The following FOXO1 variants were observed in gnomAD, a reference collection of about 807,000 sequenced individuals.
FOXO1 encodes the protein forkhead box O1, also known as forkhead box protein O1.
FOXO1 carries 6 observed loss-of-function variants against 44.1 expected under a neutral mutation model. The observed-to-expected ratio is 0.14, with a 90% CI of 0.07 to 0.27. The LOEUF (loss-of-function observed/expected upper bound fraction) is 0.27, where lower values mean the gene tolerates loss of function less well. Ranked by LOEUF, FOXO1 falls within the 10% of genes least tolerant of loss-of-function variation. FOXO1 has a pLI of 1.00. For missense variants in FOXO1, 737 were observed against 888.8 expected (o/e 0.83, Z 2.17); for synonymous variants, 380 against 362.7 (o/e 1.05, Z -0.54).
At position 40,665,579 on chromosome 13, in the gene FOXO1, T is replaced by C. The variant is rs1390837853; in HGVS notation, c.630+4A>G. The C allele has an allele frequency of 7.1e-7, 1 of 1,408,740 alleles. No homozygotes were observed. 87.3% of individuals were successfully genotyped at this position (1,408,740 alleles called of 1,614,324 possible). On this transcript the variant is annotated splice_donor_region_variant and intron_variant, in intron 1 of 2. Coordinates refer to ENST00000379561, the MANE Select transcript of FOXO1 (RefSeq NM_002015.4). ...AGGTCCGGCCGCGCGCCGAGTCCAC[T>C]CACCTTCCAGCCCGCCGAGCTGTTG... is the stretch of plus-strand genomic sequence containing the variant.
At chr13:40,593,933 C>T (rs1035193980) in intron 1 of FOXO1, among the ~76,000 whole-genome samples, 21 of 152,288 alleles carry the variant, frequency 1.4e-4, no homozygotes, top group Non-Finnish European at 2.4e-4. Context: ...TCCCCTTAGA[C>T]GAGGTCTGAT....
chr13:40,591,256 G>A (rs1476253509), intron 1 of FOXO1, among the ~76,000 whole-genome samples: 2 of 152,222 alleles, frequency 1.3e-5, no homozygotes, highest in Non-Finnish European at 2.9e-5. Flanking sequence ...GCTGTAGCTT[G>A]CTGCTACTGC....
At chr13:40,597,783 C>T (rs1875637593) in intron 1 of FOXO1, among the ~76,000 whole-genome samples, 2 of 152,200 alleles carry the variant, frequency 1.3e-5, no homozygotes. Context: ...ACTGCCCACA[C>T]ACCCTTCTCC....
intron 1 of FOXO1, among the ~76,000 whole-genome samples, chr13:40,640,576 A>T (rs535863557): frequency 4.8e-4 from 73 of 152,314 alleles, no homozygotes; most frequent in African/African-American, 1.7e-3. Flanking sequence ...TTTCCTGTGC[A>T]TGCAATAGAG....
chr13:40,645,161 T>C (rs1877470441), intron 1 of FOXO1, among the ~76,000 whole-genome samples: 1 of 152,198 alleles, frequency 6.6e-6, no homozygotes, highest in African/African-American at 2.4e-5. Context: ...GTTAATGACA[T>C]GTCACAGTAG....
chr13:40,653,688 C>T (rs1877759095), intron 1 of FOXO1, among the ~76,000 whole-genome samples: 1 of 152,138 alleles, frequency 6.6e-6, no homozygotes, highest in Non-Finnish European at 1.5e-5. Flanking sequence ...CAAAATACAA[C>T]CACAGAGGTT....
intron 1 of FOXO1, among the ~76,000 whole-genome samples, chr13:40,611,571 G>T (rs1422260472): frequency 1.3e-5 from 2 of 152,270 alleles, no homozygotes; most frequent in South Asian, 4.1e-4. Context: ...CTGCTAGAGG[G>T]GTTCACGTGG....
chr13:40,607,231 C>T (rs947941698), intron 1 of FOXO1, among the ~76,000 whole-genome samples: 2 of 152,236 alleles, frequency 1.3e-5, no homozygotes, highest in Admixed American at 6.5e-5. Context: ...AGACAAAAAC[C>T]GGAGGGCGTT....
intron 1 of FOXO1, among the ~76,000 whole-genome samples, chr13:40,561,776 C>T (rs549244834): frequency 6.6e-6 from 1 of 152,154 alleles, no homozygotes; most frequent in East Asian, 1.9e-4. Flanking sequence ...CAAGACCAGC[C>T]TAGCCAACAT....
At chr13:40,575,322 C>T (rs1273142491) in intron 1 of FOXO1, among the ~76,000 whole-genome samples, 2 of 151,958 alleles carry the variant, frequency 1.3e-5, no homozygotes, top group African/African-American at 2.4e-5. Context: ...GCCTGGGTGA[C>T]AAAAATAAAT....
chr13:40,595,641 T>C (rs1355167232), intron 1 of FOXO1, among the ~76,000 whole-genome samples: 1 of 152,156 alleles, frequency 6.6e-6, no homozygotes, highest in Admixed American at 6.5e-5. Flanking sequence ...ACTATAAAAT[T>C]ATCAAGTGAA....
At chr13:40,612,041 CGT>C (rs1183328575) in intron 1 of FOXO1, among the ~76,000 whole-genome samples, 1 of 151,912 alleles carries the variant, frequency 6.6e-6, no homozygotes, top group Non-Finnish European at 1.5e-5. Context: ...TGCACTCCAG[CGT>C]GGGAGACACA....
Position 40,556,794 on chromosome 13 carries a change from T to C in FOXO1, c.*2255A>G, listed in dbSNP as rs1873769522. 1 of 152,208 alleles carries C rather than the reference T, an allele frequency of 6.6e-6. No individual in the cohort carries two copies. The highest frequency in any genetic ancestry group is 1.5e-5 in the Non-Finnish European group (1 of 68,042). The allele number at this position is 152,208 out of a possible 1,614,324, so 9.4% of individuals were successfully genotyped here. On this transcript the variant is annotated 3_prime_UTR_variant, in exon 3 of 3. Transcript: ENST00000379561. ...TTTTAACAGTGATTTTGGCTGTAGT[T>C]GCCTCTTTAATGAACAAATGGGGGC...
At chr13:40,646,358 T>C (rs1431528062) in intron 1 of FOXO1, among the ~76,000 whole-genome samples, 2 of 151,444 alleles carry the variant, frequency 1.3e-5, no homozygotes, top group African/African-American at 4.9e-5. Flanking sequence ...AATTTTTGTA[T>C]TTTTACTAGA....
intron 1 of FOXO1, among the ~76,000 whole-genome samples, chr13:40,575,561 T>C (rs1471297244): frequency 1.3e-5 from 2 of 152,226 alleles, no homozygotes; most frequent in African/African-American, 4.8e-5. Flanking sequence ...CTACCTAATG[T>C]AAAGTATTTC....
chr13:40,565,624 C>G (rs1166713980), intron 1 of FOXO1, among the ~76,000 whole-genome samples: 1 of 152,220 alleles, frequency 6.6e-6, no homozygotes, highest in Non-Finnish European at 1.5e-5. Flanking sequence ...TTCTTGTACA[C>G]TGTATCCTCA....
chr13:40,610,982 C>A (rs555544651), intron 1 of FOXO1: 8 of 448,800 alleles, frequency 1.8e-5, no homozygotes, highest in Non-Finnish European at 3.6e-5. Flanking sequence ...TGTATCTATA[C>A]ACATACATCT....
At chr13:40,617,233 G>C (rs952912407) in intron 1 of FOXO1, among the ~76,000 whole-genome samples, 11 of 152,264 alleles carry the variant, frequency 7.2e-5, no homozygotes, top group African/African-American at 2.6e-4. Flanking sequence ...ATCACCTGAG[G>C]TCAGGAGTTC....
chr13:40,598,306 AG>A (rs1365005798), intron 1 of FOXO1, among the ~76,000 whole-genome samples: 4 of 152,124 alleles, frequency 2.6e-5, no homozygotes, highest in African/African-American at 9.7e-5. Context: ...GGTAGTTTTT[AG>A]TTCAGTTTTT....
Sources: allele counts gnomAD v4.1 joint callset (sites outside exome capture counted in the v4.1 genomes callset), GRCh38; gene constraint gnomAD v4.1.1; transcripts MANE v1.5; gene names NCBI Gene and HGNC (gene_info 2026-07-23, HGNC 2026-07-21).